Variants in PTPRS observed in about 807,000 individuals in gnomAD.
PTPRS encodes receptor-type tyrosine-protein phosphatase S.
In PTPRS, 63 loss-of-function variants were observed where a neutral mutation model predicts 215.3. The observed-to-expected ratio is 0.29, with a 90% CI of 0.24 to 0.36. The LOEUF (loss-of-function observed/expected upper bound fraction) is 0.36, where lower values mean the gene tolerates loss of function less well. Ranked by LOEUF, PTPRS falls within the 10% of genes least tolerant of loss-of-function variation. The pLI is 1.00. For missense variants in PTPRS, 2,258 were observed against 2,825.8 expected (o/e 0.80, Z 4.56); for synonymous variants, 1,404 against 1,191.4 (o/e 1.18, Z -3.68).
rs1349045419 is a variant in PTPRS, at chr19:5,219,248, CCCT to C, written c.3923+59_3923+61del. On this transcript the variant is annotated intron_variant, in intron 23 of 37. Transcript: ENST00000262963. ...GTGATGATTCTCTGAGACAACTCCT[CCCT>C]CCTTTTCCAGGAAGCCCTCCCTGCT... 5.7e-6 allele frequency: 9 copies of C among 1,589,328 alleles called. No individual in the cohort carries two copies. In the African/African-American group the frequency reaches 1.1e-4, roughly 19 times the overall value.
Position 5,307,097 on chromosome 19 carries a change from G to A in PTPRS, c.-94-20863C>T, listed in dbSNP as rs563901835. Among the ~76,000 whole-genome samples, 10 of 152,320 alleles carry A rather than the reference G, an allele frequency of 6.6e-5. No homozygotes were observed. The South Asian group carries it at 2.1e-3, about 32-fold the overall frequency. On this transcript the variant is annotated intron_variant, in intron 1 of 37. Transcript: ENST00000262963. ...AGGCAGGAAGATCACCTGAGGTCAA[G>A]AATTCGAGACCAGCCTGGCCAACAT...
At chr19:5,221,352 C>A in intron 19 of PTPRS, 99 bp from the exon 20 acceptor site, 1 of 1,454,108 alleles carries the variant, frequency 6.9e-7, no homozygotes, top group Non-Finnish European at 9.2e-7. Flanking sequence ...GAGCCCTGAT[C>A]CCACTGAATC....
In PTPRS at chr19:5,261,668, C is replaced by T. The variant is rs77214572; in HGVS notation, c.578-846G>A. Among the ~76,000 whole-genome samples the T allele has an allele frequency of 4.9e-4, 75 of 152,262 alleles. 3 individuals carry two copies. In the East Asian group the frequency reaches 0.014, roughly 28 times the overall value. The stretch of plus-strand genomic sequence containing the variant: ...TGAAAAAGCAGCTCCTTCTGCGTGG[C>T]CCAAACCCATTTTGCAGACGGGCCA... On this transcript the variant is annotated intron_variant, in intron 6 of 37. Coordinates refer to ENST00000262963, the MANE Select transcript of PTPRS (RefSeq NM_002850.4).
At position 5,222,748 on chromosome 19, in the gene PTPRS, C is replaced by T. The variant is rs751272492; in HGVS notation, c.3044G>A (p.Arg1015His). ...AYDLQVRAHT[R>H]RGPGPFSPPV... The stretch of plus-strand genomic sequence containing the variant: ...GGGGCTGAAGGGGCCAGGGCCCCGG[C>T]GCGTGTGGGCTCGCACTTGGAGGTC... The change falls in exon 18 of 38, where the codon CGC becomes CAC. Residue 1015 changes from arginine to histidine, a missense_variant. Around this residue, in one of 6 missense-constraint regions of PTPRS, gnomAD observed 361 missense variants for 332.6 expected, o/e 1.09. Coordinates refer to ENST00000262963, the MANE Select transcript of PTPRS (RefSeq NM_002850.4). 18 of 1,598,112 alleles carry T rather than the reference C, an allele frequency of 1.1e-5. No individual in the cohort carries two copies. The highest frequency in any genetic ancestry group is 7.7e-5 in the South Asian group (7 of 90,922).
chr19:5,243,991 CCTCCA>C lies in PTPRS; in HGVS notation c.1475_1479del (p.Leu492ArgfsTer133). On this transcript the variant is annotated frameshift_variant, in exon 11 of 38. Coordinates refer to ENST00000262963, the MANE Select transcript of PTPRS (RefSeq NM_002850.4). LOFTEE classifies it high-confidence loss of function. ...AGCACCCGCACGGTGTAGGTCTCGT[CCTCCA>C]GCAGGCTGCCCACGGTGGTCAGCAG... 3 of 1,488,090 alleles carry C rather than the reference CCTCCA, an allele frequency of 2.0e-6. No individual in the cohort carries two copies. The highest frequency in any genetic ancestry group is 1.4e-5 in the South Asian group (1 of 71,974). The allele number at this position is 1,488,090 out of a possible 1,614,324, so 92.2% of individuals were successfully genotyped here.
intron 4 of PTPRS, among the ~76,000 whole-genome samples, chr19:5,271,035 C>T (rs993739757): frequency 7.2e-5 from 11 of 152,176 alleles, no homozygotes; most frequent in South Asian, 4.1e-4. Context: ...CTACTAGGGC[C>T]GCTGTGATAA....
At chr19:5,328,401 C>G (rs918436215) in intron 1 of PTPRS, among the ~76,000 whole-genome samples, 1 of 152,132 alleles carries the variant, frequency 6.6e-6, no homozygotes, top group South Asian at 2.1e-4. Flanking sequence ...TGCACCACCA[C>G]AGCTGGCTGT....
rs759644392 is a variant in PTPRS at position 5,219,482 on chromosome 19, G to T, written c.3766-15C>A. ...GCTGCAAAGGTCTGCAGGGAAAGGAGGGGGGTCTCCATCAGTGTCCACCCT... is the reference window on the plus strand; with the variant it reads ...GCTGCAAAGGTCTGCAGGGAAAGGATGGGGGTCTCCATCAGTGTCCACCCT... On this transcript the variant is annotated splice_polypyrimidine_tract_variant and intron_variant, in intron 22 of 37. Transcript: ENST00000262963. The T allele has an allele frequency of 1.9e-6, 3 of 1,552,660 alleles. No individual in the cohort carries two copies. The highest frequency in any genetic ancestry group is 2.5e-5 in the South Asian group (2 of 81,236).
At position 5,237,365 on chromosome 19, in the gene PTPRS, A is replaced by C. The variant is rs1285747735; in HGVS notation, c.1849+1554T>G. Among the ~76,000 whole-genome samples the C allele has an allele frequency of 6.6e-6, 1 of 152,188 alleles. No homozygotes were observed. The highest frequency in any genetic ancestry group is 1.5e-5 in the Non-Finnish European group (1 of 68,022). ...TGGGCCCCACCCGTCTCGGGGCAAG[A>C]AGCGGGGAGTCCCTTCTCCCCAACT... On this transcript the variant is annotated intron_variant, in intron 13 of 37. Transcript: ENST00000262963. This position sits in a 1 kb window ranked among gnomAD's most constrained non-coding sequence, Gnocchi z 4.2.
At chr19:5,329,514 C>T (rs1042751920) in intron 1 of PTPRS, among the ~76,000 whole-genome samples, 1 of 152,156 alleles carries the variant, frequency 6.6e-6, no homozygotes, top group Non-Finnish European at 1.5e-5. Context: ...GCCTGGAATC[C>T]TAGCACTTTG....
At chr19:5,302,845 CAGG>C (rs2049345339) in intron 1 of PTPRS, among the ~76,000 whole-genome samples, 1 of 146,636 alleles carries the variant, frequency 6.8e-6, no homozygotes, top group African/African-American at 2.5e-5. Flanking sequence ...ATCACGAGGT[CAGG>C]AGATCGAGAC....
chr19:5,292,122 T>A (rs1442558232), intron 1 of PTPRS, among the ~76,000 whole-genome samples: 1 of 152,144 alleles, frequency 6.6e-6, no homozygotes, highest in Non-Finnish European at 1.5e-5. Flanking sequence ...GTGCTCCCAC[T>A]GTGGGTCTGT....
intron 4 of PTPRS, among the ~76,000 whole-genome samples, chr19:5,269,738 T>C (rs1388521986): frequency 6.6e-6 from 1 of 151,944 alleles, no homozygotes; most frequent in Non-Finnish European, 1.5e-5. Flanking sequence ...CTGACCAACA[T>C]GGCGAAACAC....
Position 5,207,990 on chromosome 19 carries a change from C to T in PTPRS, c.5710G>A (p.Gly1904Ser). ...SIVLERMRYE[G>S]VVDIFQTVKM... ...ACCGTCTGAAAGATGTCCACCACGC[C>T]TTCATACCGCATCCGCTCCAGCACG... The change falls in exon 37 of 38, where the codon GGC becomes AGC. Residue 1904 changes from glycine (G) to serine (S), a missense_variant. Gly to Ser is a moderately conservative substitution (Grantham distance 56, BLOSUM62 0). Around this residue, in one of 6 missense-constraint regions of PTPRS, gnomAD observed 89 missense variants for 104.0 expected, o/e 0.86. Coordinates refer to ENST00000262963, the MANE Select transcript of PTPRS (RefSeq NM_002850.4). 1 of 1,614,148 alleles carries T rather than the reference C, an allele frequency of 6.2e-7. No individual in the cohort carries two copies. Among genetic ancestry groups the T allele is most frequent in the African/African-American group, 1.3e-5 (1 of 75,070 alleles).
rs1054903069 is a variant in PTPRS at position 5,307,103 on chromosome 19, G to C, written c.-94-20869C>G. Among the ~76,000 whole-genome samples the C allele has an allele frequency of 4.6e-5, 7 of 152,270 alleles. No homozygotes were observed. In the East Asian group the frequency reaches 9.6e-4, roughly 21 times the overall value. Reference sequence around the variant, plus strand: ...GAAGATCACCTGAGGTCAAGAATTCGAGACCAGCCTGGCCAACATGGCAAA... The same window carrying C: ...GAAGATCACCTGAGGTCAAGAATTCCAGACCAGCCTGGCCAACATGGCAAA... On this transcript the variant is annotated intron_variant, in intron 1 of 37. Transcript: ENST00000262963.
chr19:5,245,640 C>T, intron 10 of PTPRS, 136 bp downstream of exon 10: 1 of 1,305,118 alleles, frequency 7.7e-7, no homozygotes, highest in South Asian at 1.6e-5. Context: ...GAACAACCGT[C>T]CCCTTCCTAG....
At chr19:5,225,698 G>A (rs2145500094) in intron 17 of PTPRS, 29 bp downstream of exon 17, 1 of 1,578,794 alleles carries the variant, frequency 6.3e-7, no homozygotes, top group Non-Finnish European at 8.7e-7. Context: ...AGGGGCTGTT[G>A]GTGGGTGGGA....
chr19:5,277,937 CA>C (rs1324437303), intron 2 of PTPRS: 2 of 1,501,352 alleles, frequency 1.3e-6, no homozygotes, highest in Non-Finnish European at 1.8e-6. Context: ...AAACAAAGCA[CA>C]TGCTGCCCAG....
At chr19:5,212,306 A>C in intron 31 of PTPRS, 31 bp downstream of exon 31, 1 of 1,609,642 alleles carries the variant, frequency 6.2e-7, no homozygotes, top group Non-Finnish European at 8.5e-7. Context: ...GACCGGGGGG[A>C]AGCGGATGGG....
Sources: allele counts gnomAD v4.1 joint callset (sites outside exome capture counted in the v4.1 genomes callset), GRCh38; gene constraint gnomAD v4.1.1; regional missense constraint gnomAD v4.1.1; non-coding constraint Gnocchi (gnomAD v3.1); transcripts MANE v1.5; gene names NCBI Gene and HGNC (gene_info 2026-07-23, HGNC 2026-07-21).